The following KCNN2 variants were observed in gnomAD, a reference collection of about 807,000 sequenced individuals.
KCNN2 encodes the protein potassium calcium-activated channel subfamily N member 2.
A neutral mutation model predicts 55.5 loss-of-function variants in KCNN2; 24 were observed. The ratio of observed to expected loss-of-function variants is 0.43; its 90% CI spans 0.31 to 0.61. KCNN2 has a LOEUF of 0.61. Ranked by LOEUF, KCNN2 falls within the 20% of genes least tolerant of loss-of-function variation. The probability of loss-of-function intolerance (pLI) is 0.08; values close to 1 mark genes in which losing one functional copy is unlikely to be tolerated. For missense variants in KCNN2, 754 were observed against 853.6 expected (o/e 0.88, Z 1.45); for synonymous variants, 431 against 336.1 (o/e 1.28, Z -3.09).
intron 4 of KCNN2, among the ~76,000 whole-genome samples, chr5:114,471,671 T>G (rs952305883): frequency 6.6e-6 from 1 of 152,224 alleles, no homozygotes; most frequent in African/African-American, 2.4e-5. Flanking sequence ...GTCTAAATAC[T>G]TGGCAACCTC....
chr5:114,251,641 A>C (rs1376848540), intron 2 of KCNN2, among the ~76,000 whole-genome samples: 1 of 152,166 alleles, frequency 6.6e-6, no homozygotes, highest in Non-Finnish European at 1.5e-5. Context: ...AAATAAAGGA[A>C]CTATGCACTA....
intron 1 of KCNN2, among the ~76,000 whole-genome samples, chr5:114,145,347 A>G (rs527448419): frequency 1.3e-5 from 2 of 152,310 alleles, no homozygotes; most frequent in East Asian, 1.9e-4. Flanking sequence ...ATCCTTCCAT[A>G]TTAATTTGTT....
At chr5:114,152,005 A>G (rs1282961554) in intron 1 of KCNN2, among the ~76,000 whole-genome samples, 5 of 152,198 alleles carry the variant, frequency 3.3e-5, no homozygotes, top group Admixed American at 3.3e-4. Context: ...GTTTTTATTC[A>G]TGTGGAGCTA....
chr5:114,196,886 A>C (rs140992902), intron 1 of KCNN2, among the ~76,000 whole-genome samples: 1 of 150,886 alleles, frequency 6.6e-6, no homozygotes, highest in Non-Finnish European at 1.5e-5. Context: ...TGCTTGCTTT[A>C]TGTTTATTTT....
In KCNN2 at chr5:114,300,456, T is replaced by G. The variant is rs138814318; in HGVS notation, c.-184-60489T>G. Among the ~76,000 whole-genome samples the G allele has an allele frequency of 6.6e-5, 10 of 152,310 alleles. No individual in the cohort carries two copies. The East Asian group carries it at 1.9e-3, about 29-fold the overall frequency. ...ATTTCAAAACATTGTCTTGCTACCA[T>G]AATAAATGTCAAGAATGATGCAGAC... On this transcript the variant is annotated intron_variant, in intron 2 of 10. Coordinates refer to the KCNN2 transcript ENST00000512097.
intron 3 of KCNN2, among the ~76,000 whole-genome samples, chr5:114,427,544 C>T (rs1211866801): frequency 1.3e-5 from 2 of 152,254 alleles, no homozygotes; most frequent in African/African-American, 4.8e-5. Flanking sequence ...AATATTGGTC[C>T]CAGTGTTTAT....
rs1172994171 is a variant in KCNN2 at position 114,123,351 on chromosome 5, A to ATT, written c.-271+66879_-271+66880dup. Among the ~76,000 whole-genome samples the ATT allele has an allele frequency of 5.0e-3, 326 of 65,006 alleles. 63 individuals carry two copies. Among genetic ancestry groups the ATT allele is most frequent in the South Asian group, 8.9e-3 (18 of 2,030 alleles). 42.6% of individuals were successfully genotyped at this position (65,006 alleles called of 152,430 possible). A position where few individuals can be genotyped will look rare whatever the true frequency, so the allele number is the denominator to read the frequency against. Reference sequence around the variant, plus strand: ...ATACTGTAAGAGGTACATTTTCTTAATTTTTTTTTTTTTTTTTTTTTTTTT... The same window carrying ATT: ...ATACTGTAAGAGGTACATTTTCTTAATTTTTTTTTTTTTTTTTTTTTTTTTTT... On this transcript the variant is annotated intron_variant, in intron 1 of 10. Transcript: ENST00000512097.
chr5:114,196,446 T>C (rs1753559726), intron 1 of KCNN2, among the ~76,000 whole-genome samples: 1 of 152,102 alleles, frequency 6.6e-6, no homozygotes, highest in African/African-American at 2.4e-5. Flanking sequence ...TAATTCTTTT[T>C]TGAATATTTA....
chr5:114,315,841 C>G (rs1366469734), intron 2 of KCNN2, among the ~76,000 whole-genome samples: 1 of 152,146 alleles, frequency 6.6e-6, no homozygotes, highest in Non-Finnish European at 1.5e-5. Flanking sequence ...ATAGAGAAGC[C>G]TTTCTGTGGA....
intron 3 of KCNN2, among the ~76,000 whole-genome samples, chr5:114,415,035 T>C (rs1207176184): frequency 6.6e-6 from 1 of 152,220 alleles, no homozygotes; most frequent in Non-Finnish European, 1.5e-5. Context: ...TCTCCATAGA[T>C]TTGCCTTTCT....
At chr5:114,169,749 T>C (rs2112541532) in intron 1 of KCNN2, among the ~76,000 whole-genome samples, 1 of 152,182 alleles carries the variant, frequency 6.6e-6, no homozygotes, top group Middle Eastern at 3.4e-3. Context: ...TGTTTGTTTT[T>C]CCCCTATTCT....
At chr5:114,244,812 G>A (rs1393813932) in intron 2 of KCNN2, among the ~76,000 whole-genome samples, 1 of 152,128 alleles carries the variant, frequency 6.6e-6, no homozygotes, top group Non-Finnish European at 1.5e-5. Flanking sequence ...CTAACATGCA[G>A]GTTATGGGGC....
intron 1 of KCNN2, among the ~76,000 whole-genome samples, chr5:114,136,716 G>T (rs1475753286): frequency 6.6e-6 from 1 of 152,168 alleles, no homozygotes; most frequent in South Asian, 2.1e-4. Context: ...CAAGACTGTA[G>T]TTTCTTTCTA....
At chr5:114,325,319 A>T (rs1756694599) in intron 2 of KCNN2, among the ~76,000 whole-genome samples, 1 of 152,218 alleles carries the variant, frequency 6.6e-6, no homozygotes, top group Non-Finnish European at 1.5e-5. Context: ...TTGAGGGAAT[A>T]AAAAAGAACC....
chr5:114,264,603 A>G (rs562683831), intron 2 of KCNN2, among the ~76,000 whole-genome samples: 1 of 152,314 alleles, frequency 6.6e-6, no homozygotes, highest in East Asian at 1.9e-4. Context: ...TGCTAAAACC[A>G]GAAAGATGCC....
intron 1 of KCNN2, among the ~76,000 whole-genome samples, chr5:114,154,092 A>T (rs12652393): frequency 0.4 from 61,310 of 151,962 alleles, 12,707 homozygotes; most frequent in East Asian, 0.72. Context: ...AAATAGCTTC[A>T]TTATAATAAA....
At chr5:114,241,151 CAT>C (rs919288074) in intron 2 of KCNN2, among the ~76,000 whole-genome samples, 22 of 151,518 alleles carry the variant, frequency 1.5e-4, no homozygotes, top group African/African-American at 5.3e-4. Flanking sequence ...ATATAACAAA[CAT>C]ATTTAAAGAA....
At chr5:114,339,270 G>A (rs1385718058) in intron 2 of KCNN2, among the ~76,000 whole-genome samples, 13 of 152,084 alleles carry the variant, frequency 8.5e-5, no homozygotes, top group Non-Finnish European at 1.5e-4. Context: ...AGAAAACCCC[G>A]GCCCCCTTTC....
intron 2 of KCNN2, among the ~76,000 whole-genome samples, chr5:114,375,674 A>T (rs1352082687): frequency 6.6e-6 from 1 of 151,796 alleles, no homozygotes; most frequent in East Asian, 1.9e-4. Context: ...TTGAGTTAGA[A>T]TTTTACTTCA....
Sources: allele counts gnomAD v4.1 joint callset (sites outside exome capture counted in the v4.1 genomes callset), GRCh38; gene constraint gnomAD v4.1.1; transcripts MANE v1.5; gene names NCBI Gene and HGNC (gene_info 2026-07-23, HGNC 2026-07-21).